PDE8A: variants seen among roughly 807,000 people sequenced by gnomAD.
PDE8A encodes phosphodiesterase 8A.
A neutral mutation model predicts 105.0 loss-of-function variants in PDE8A; 59 were observed. The ratio of observed to expected loss-of-function variants is 0.56; its 90% CI spans 0.46 to 0.70. The LOEUF (loss-of-function observed/expected upper bound fraction) is 0.70, where lower values mean the gene tolerates loss of function less well. PDE8A is among the 30% of genes least tolerant of loss of function. The probability of loss-of-function intolerance (pLI) is 0.00; values close to 1 mark genes in which losing one functional copy is unlikely to be tolerated. For missense variants in PDE8A, 1,014 were observed against 1,045.9 expected (o/e 0.97, Z 0.42); for synonymous variants, 355 against 371.9 (o/e 0.95, Z 0.52).
At chr15:85,133,668 C>G (rs1431424654) in intron 20 of PDE8A, among the ~76,000 whole-genome samples, 1 of 152,154 alleles carries the variant, frequency 6.6e-6, no homozygotes, top group Non-Finnish European at 1.5e-5. Flanking sequence ...CCTAGTCCCC[C>G]ATATTACTGA....
chr15:85,071,055 C>T (rs557218479), intron 3 of PDE8A, among the ~76,000 whole-genome samples: 1 of 152,012 alleles, frequency 6.6e-6, no homozygotes. Flanking sequence ...AAATAAAAAC[C>T]CACAAAGATA....
At position 85,037,952 on chromosome 15, in the gene PDE8A, G is replaced by A. The variant is rs1485422745; in HGVS notation, c.187-26418G>A. Among the ~76,000 whole-genome samples, 3 of 152,312 alleles carry A rather than the reference G, an allele frequency of 2.0e-5. No individual in the cohort carries two copies. The East Asian group carries it at 5.8e-4, about 29-fold the overall frequency. On this transcript the variant is annotated intron_variant, in intron 1 of 21. Transcript: ENST00000394553. The stretch of plus-strand genomic sequence containing the variant: ...CCTTGTAGATATACAAATTGTAGAT[G>A]CAAACACTTCTTTTTCCATTTTCTC...
Position 84,982,197 on chromosome 15 carries a change from G to C in PDE8A, c.35G>C (p.Arg12Pro). The C allele has an allele frequency of 6.7e-7, 1 of 1,483,458 alleles. No individual in the cohort carries two copies. Among genetic ancestry groups the C allele is most frequent in the Non-Finnish European group, 8.9e-7 (1 of 1,126,422 alleles). The allele number at this position is 1,483,458 out of a possible 1,614,324, so 91.9% of individuals were successfully genotyped here. The change falls in exon 1 of 22, where the codon CGC (arginine) becomes CCC (proline). Residue 12 changes from arginine to proline, a missense_variant. Physicochemically the swap from Arg to Pro is moderately radical, Grantham distance 103. Transcript: ENST00000394553. ...GCCCCGAGCATCCACATTTCCGAGCGCCTGGTGGCCGAGGACGCGCCTAGC... is the reference window on the plus strand; with the variant it reads ...GCCCCGAGCATCCACATTTCCGAGCCCCTGGTGGCCGAGGACGCGCCTAGC... ...GCAPSIHISE[R>P]LVAEDAPSPA...
At chr15:85,003,798 G>A (rs991452985) in intron 1 of PDE8A, among the ~76,000 whole-genome samples, 2 of 152,160 alleles carry the variant, frequency 1.3e-5, no homozygotes, top group African/African-American at 4.8e-5. Context: ...ACCCTGCATT[G>A]CTCATCACTT....
chr15:85,103,299 T>C (rs1255894248), intron 11 of PDE8A, among the ~76,000 whole-genome samples: 2 of 152,200 alleles, frequency 1.3e-5, no homozygotes, highest in Non-Finnish European at 2.9e-5. Flanking sequence ...GCAGAGTCAG[T>C]GATGCAGTCA....
chr15:85,072,153 A>G lies in PDE8A; in HGVS notation c.435-3709A>G, dbSNP rs192601299. On this transcript the variant is annotated intron_variant, in intron 3 of 21. Coordinates refer to ENST00000394553, the MANE Select transcript of PDE8A (RefSeq NM_002605.3). ...TCACCTTGGTGTGCAGATCCTTTAT[A>G]CCATTATAAATCCCATTCTTTTTCA... Among the ~76,000 whole-genome samples the G allele has an allele frequency of 5.8e-4, 89 of 152,346 alleles. 1 individual carries two copies. The Middle Eastern group carries it at 0.027, about 47-fold the overall frequency.
chr15:85,084,894 A>AC (rs889111764), intron 6 of PDE8A, among the ~76,000 whole-genome samples: 15 of 151,210 alleles, frequency 9.9e-5, no homozygotes, highest in African/African-American at 3.7e-4. Context: ...CCAGTCACTG[A>AC]CCAAGTCCAA....
rs1381887782 is a variant in PDE8A at position 85,017,305 on chromosome 15, A to G, written c.186+34957A>G. ...ATAAATGAAGCCTGTTGATTTTGAT[A>G]TGTTTCTTATATAGCCTGCTAAGTT... On this transcript the variant is annotated intron_variant, in intron 1 of 21. Coordinates refer to ENST00000394553, the MANE Select transcript of PDE8A (RefSeq NM_002605.3). Among the ~76,000 whole-genome samples the G allele has an allele frequency of 2.0e-5, 3 of 151,956 alleles. No homozygotes were observed. The East Asian group carries it at 5.8e-4, about 29-fold the overall frequency.
chr15:85,041,741 C>A (rs2080811459), intron 1 of PDE8A, among the ~76,000 whole-genome samples: 1 of 152,150 alleles, frequency 6.6e-6, no homozygotes, highest in African/African-American at 2.4e-5. Flanking sequence ...GTTTCCTAAA[C>A]CTTCAGCCTG....
At chr15:85,076,185 A>G (rs2081378180) in intron 4 of PDE8A, among the ~76,000 whole-genome samples, 1 of 152,192 alleles carries the variant, frequency 6.6e-6, no homozygotes, top group East Asian at 1.9e-4. Context: ...AAAAGTATGA[A>G]TGTTTTCCAG....
chr15:84,986,639 G>A (rs373670032), intron 1 of PDE8A, among the ~76,000 whole-genome samples: 2 of 148,880 alleles, frequency 1.3e-5, no homozygotes, highest in African/African-American at 5.0e-5. Flanking sequence ...TTAAGACAGC[G>A]TCTTGCTTTG....
chr15:85,091,112 A>T lies in PDE8A; in HGVS notation c.783A>T (p.Gly261=). 1 of 1,613,248 alleles carries T rather than the reference A, an allele frequency of 6.2e-7. No individual in the cohort carries two copies. Among genetic ancestry groups the T allele is most frequent in the South Asian group, 1.1e-5 (1 of 91,040 alleles). The part of the protein sequence containing the change: ...QSGELIGKEL[G]EVPINEKKAD... ...GTGAATTAATAGGGAAGGAGTTAGGAGAAGTGCCTATAAATGAAAAAAAGG... is the reference window on the plus strand; with the variant it reads ...GTGAATTAATAGGGAAGGAGTTAGGTGAAGTGCCTATAAATGAAAAAAAGG... The change falls in exon 8 of 22, where the codon GGA becomes GGT. Residue 261 remains glycine (G), a synonymous_variant. Transcript: ENST00000394553.
intron 3 of PDE8A, among the ~76,000 whole-genome samples, chr15:85,068,921 A>G (rs747531975): frequency 6.6e-6 from 1 of 152,242 alleles, no homozygotes. Flanking sequence ...TTTATGTTCC[A>G]CTTTTTAAGG....
At chr15:85,005,355 A>G (rs984887528) in intron 1 of PDE8A, among the ~76,000 whole-genome samples, 3 of 152,284 alleles carry the variant, frequency 2.0e-5, no homozygotes, top group African/African-American at 4.8e-5. Context: ...GACTCAAGCA[A>G]TCTTCCTGCC....
chr15:85,035,197 C>CTTTTTTTTT (rs35548176), intron 1 of PDE8A, among the ~76,000 whole-genome samples: 1 of 57,766 alleles, frequency 1.7e-5, no homozygotes, highest in Non-Finnish European at 3.0e-5. Context: ...TGGGTATTTC[C>CTTTTTTTTT]TTTTTTTTTT....
chr15:84,987,132 G>A (rs1414026719), intron 1 of PDE8A, among the ~76,000 whole-genome samples: 1 of 152,168 alleles, frequency 6.6e-6, no homozygotes, highest in Non-Finnish European at 1.5e-5. Context: ...GGGGTTGTGA[G>A]TTCCCTCATT....
At chr15:85,054,169 A>C (rs1459935828) in intron 1 of PDE8A, among the ~76,000 whole-genome samples, 4 of 152,150 alleles carry the variant, frequency 2.6e-5, no homozygotes, top group African/African-American at 9.7e-5. Flanking sequence ...AGATGAAGCC[A>C]ACTTGATCAT....
chr15:85,129,687 C>T lies in PDE8A; in HGVS notation c.2253+3313C>T, dbSNP rs546324790. 4.5e-4 allele frequency among the ~76,000 whole-genome samples: 68 copies of T among 151,564 alleles called. No homozygotes were observed. The South Asian group carries it at 0.011, about 25-fold the overall frequency. On this transcript the variant is annotated intron_variant, in intron 20 of 21. Transcript: ENST00000394553. Reference sequence around the variant, plus strand: ...TCTTTTGGTTTTGTTTTTTTCTGTTCTCTATATACCTCTGTTCTTTATTAT... The same window carrying T: ...TCTTTTGGTTTTGTTTTTTTCTGTTTTCTATATACCTCTGTTCTTTATTAT...
intron 1 of PDE8A, among the ~76,000 whole-genome samples, chr15:85,013,504 C>A (rs1016287640): frequency 6.6e-6 from 1 of 152,082 alleles, no homozygotes; most frequent in Non-Finnish European, 1.5e-5. Context: ...TCAATTTAAT[C>A]TATTATATGT....
Sources: gnomAD v4.1 joint callset for allele counts (sites outside exome capture counted in the v4.1 genomes callset) on GRCh38, gnomAD v4.1.1 for gene constraint, MANE v1.5 for transcripts, NCBI Gene and HGNC (gene_info 2026-07-23, HGNC 2026-07-21) for gene names.